WIF1: variants seen among roughly 807,000 people sequenced by gnomAD.
WIF1 encodes Wnt inhibitory factor 1.
In WIF1, 35 loss-of-function variants were observed where a neutral mutation model predicts 53.5. That is an observed-to-expected ratio of 0.65 (90% CI 0.50 to 0.87). The LOEUF is 0.87. Among genes scored for constraint, WIF1 ranks in the 40% least tolerant of loss-of-function variants. WIF1 has a pLI of 0.00. For missense variants in WIF1, 467 were observed against 476.8 expected (o/e 0.98, Z 0.19); for synonymous variants, 171 against 170.4 (o/e 1.00, Z -0.03).
At chr12:65,075,935 T>C (rs1055377676) in intron 3 of WIF1, among the ~76,000 whole-genome samples, 10 of 152,222 alleles carry the variant, frequency 6.6e-5, no homozygotes, top group African/African-American at 2.4e-4. Context: ...GGTACACATT[T>C]TTCATGGTCT....
intron 2 of WIF1, among the ~76,000 whole-genome samples, chr12:65,110,137 T>C (rs2136293692): frequency 6.6e-6 from 1 of 152,304 alleles, no homozygotes; most frequent in South Asian, 2.1e-4. Context: ...CAAACTGCTT[T>C]TCTTATACAT....
chr12:65,116,982 C>T (rs1244186766), intron 2 of WIF1, among the ~76,000 whole-genome samples: 1 of 146,168 alleles, frequency 6.8e-6, no homozygotes. Flanking sequence ...TGAAACCAGA[C>T]TCTGGTGCCA....
chr12:65,082,714 C>A (rs1287565529), intron 2 of WIF1, among the ~76,000 whole-genome samples: 1 of 152,150 alleles, frequency 6.6e-6, no homozygotes, highest in Non-Finnish European at 1.5e-5. Flanking sequence ...TGTTCTGGCA[C>A]TCCTTTTAGG....
At chr12:65,051,687 C>G (rs1450734180) in intron 9 of WIF1, among the ~76,000 whole-genome samples, 1 of 152,186 alleles carries the variant, frequency 6.6e-6, no homozygotes, top group South Asian at 2.1e-4. Context: ...TTCTCATTCC[C>G]TATATATTCT....
At chr12:65,071,309 A>G (rs560562811) in intron 3 of WIF1, among the ~76,000 whole-genome samples, 19 of 151,932 alleles carry the variant, frequency 1.3e-4, no homozygotes, top group Non-Finnish European at 2.6e-4. Flanking sequence ...CAATTAAAGT[A>G]AGGACATGTT....
chr12:65,098,276 A>G (rs1238551525), intron 2 of WIF1, among the ~76,000 whole-genome samples: 3 of 152,138 alleles, frequency 2.0e-5, no homozygotes, highest in African/African-American at 7.2e-5. Flanking sequence ...GTTCCTTTTG[A>G]TGCTCTTGGA....
chr12:65,119,055 C>A (rs1883555970), intron 2 of WIF1, among the ~76,000 whole-genome samples: 1 of 152,114 alleles, frequency 6.6e-6, no homozygotes, highest in African/African-American at 2.4e-5. Flanking sequence ...AATTAATTGG[C>A]CACTTAGTTA....
chr12:65,064,667 T>C (rs1405223522), intron 6 of WIF1, among the ~76,000 whole-genome samples: 1 of 152,136 alleles, frequency 6.6e-6, no homozygotes, highest in Non-Finnish European at 1.5e-5. Flanking sequence ...ATAAAAAAAT[T>C]ACTGGAGTCT....
intron 2 of WIF1, among the ~76,000 whole-genome samples, chr12:65,118,591 C>T (rs969410593): frequency 1.3e-5 from 2 of 152,086 alleles, no homozygotes; most frequent in African/African-American, 4.8e-5. Flanking sequence ...TTAGATCATC[C>T]ACATAGGTGA....
rs765650586 is a variant in WIF1 at position 65,051,498 on chromosome 12, A to G, written c.1019-28T>C. 2.0e-5 allele frequency: 31 copies of G among 1,548,552 alleles called. No homozygotes were observed. In the South Asian group the frequency reaches 3.4e-4, roughly 17 times the overall value. ...GCAAAATTATTCACAGCTTAAAAGG[A>G]AAGAAACTACAAAACCAGGCTCTTC... On this transcript the variant is annotated intron_variant, in intron 9 of 9. Coordinates refer to ENST00000286574, the MANE Select transcript of WIF1 (RefSeq NM_007191.5).
intron 7 of WIF1, among the ~76,000 whole-genome samples, chr12:65,056,366 CTTTTTTTTTTTTTTTTTTTTT>C (rs10584146): frequency 7.0e-4 from 17 of 24,266 alleles, no homozygotes; most frequent in South Asian, 4.8e-3. Flanking sequence ...CATTTATATC[CTTTTTTTTTTTTTTTTTTTTT>C]TTTTTTTTTT....
At chr12:65,101,753 T>C (rs1035983137) in intron 2 of WIF1, among the ~76,000 whole-genome samples, 11 of 152,136 alleles carry the variant, frequency 7.2e-5, no homozygotes, top group Admixed American at 7.2e-4. Flanking sequence ...AAAAGTGAAA[T>C]ACTTGTCTGA....
At chr12:65,062,415 T>C (rs1412250859) in intron 7 of WIF1, 66 bp downstream of exon 7, 5 of 1,343,404 alleles carry the variant, frequency 3.7e-6, no homozygotes, top group Non-Finnish European at 5.2e-6. Context: ...CTTGATAAAA[T>C]GAAGGGGTTA....
chr12:65,105,941 C>A (rs1319109368), intron 2 of WIF1, among the ~76,000 whole-genome samples: 1 of 152,176 alleles, frequency 6.6e-6, no homozygotes, highest in East Asian at 1.9e-4. Flanking sequence ...CACAGGACAC[C>A]AAGCTGTTCT....
At chr12:65,104,028 G>A (rs1883318767) in intron 2 of WIF1, among the ~76,000 whole-genome samples, 1 of 152,088 alleles carries the variant, frequency 6.6e-6, no homozygotes, top group Non-Finnish European at 1.5e-5. Flanking sequence ...TCATGCCACT[G>A]TAATCCAGCC....
chr12:65,090,601 C>T (rs748688543), intron 2 of WIF1, among the ~76,000 whole-genome samples: 1 of 152,046 alleles, frequency 6.6e-6, no homozygotes, highest in African/African-American at 2.4e-5. Context: ...GATGGCAGAA[C>T]TGAGATCTGC....
At chr12:65,120,298 A>G (rs1205924954) in intron 2 of WIF1, 119 bp downstream of exon 2, 44 of 1,057,290 alleles carry the variant, frequency 4.2e-5, no homozygotes, top group Non-Finnish European at 5.4e-5. Context: ...TGCTTTGGCA[A>G]TCAGATGAGA....
At chr12:65,055,269 T>A in intron 8 of WIF1, 56 bp from the exon 9 acceptor site, 1 of 1,568,196 alleles carries the variant, frequency 6.4e-7, no homozygotes, top group Non-Finnish European at 8.7e-7. Flanking sequence ...TTCAACAGAA[T>A]TACATAGTTG....
intron 2 of WIF1, chr12:65,083,803 TTTCC>T: frequency 2.7e-6 from 1 of 365,502 alleles, no homozygotes. Flanking sequence ...TTTCCTTTCC[TTTCC>T]TTTCCTTTCC....
Sources: gnomAD v4.1 joint callset for allele counts (sites outside exome capture counted in the v4.1 genomes callset) on GRCh38, gnomAD v4.1.1 for gene constraint, MANE v1.5 for transcripts, NCBI Gene and HGNC (gene_info 2026-07-23, HGNC 2026-07-21) for gene names.